Variants in VPS8 observed in about 807,000 individuals in gnomAD.
VPS8 encodes VPS8 subunit of CORVET complex.
VPS8 carries 129 observed loss-of-function variants against 216.4 expected under a neutral mutation model. That is an observed-to-expected ratio of 0.60 (90% CI 0.52 to 0.69). The LOEUF is 0.69. VPS8 is among the 30% of genes least tolerant of loss of function. The pLI is 0.00. For missense variants in VPS8, 1,531 were observed against 1,683.5 expected, an observed-to-expected ratio of 0.91 and a Z score of 1.59; for synonymous variants, 571 against 565.4, an observed-to-expected ratio of 1.01 and a Z score of -0.14.
chr3:184,884,977 G>T (rs1318702376), intron 21 of VPS8, among the ~76,000 whole-genome samples: 2 of 152,158 alleles, frequency 1.3e-5, no homozygotes, highest in Non-Finnish European at 2.9e-5. Flanking sequence ...CTCAGTCAGG[G>T]TTGAGATTTG....
intron 2 of VPS8, 151 bp downstream of exon 2, chr3:184,824,936 C>G: frequency 1.4e-6 from 1 of 697,116 alleles, no homozygotes; most frequent in Non-Finnish European, 2.4e-6. Context: ...TACAGGGTCT[C>G]ACTCTGTTGT....
intron 34 of VPS8, among the ~76,000 whole-genome samples, chr3:184,934,317 A>G (rs1041977262): frequency 6.6e-6 from 1 of 152,008 alleles, no homozygotes; most frequent in African/African-American, 2.4e-5. Context: ...GATTACAGAT[A>G]TGGCCACCAC....
intron 45 of VPS8, among the ~76,000 whole-genome samples, chr3:185,003,077 G>C (rs113432420): frequency 6.6e-6 from 1 of 151,386 alleles, no homozygotes; most frequent in Non-Finnish European, 1.5e-5. Context: ...CAGTGTAAAA[G>C]TGTTGCCTTT....
Position 184,940,184 on chromosome 3 carries a change from T to C in VPS8, c.2989-13T>C. The C allele has an allele frequency of 6.8e-7, 1 of 1,468,786 alleles. No homozygotes were observed. The highest frequency in any genetic ancestry group is 9.1e-7 in the Non-Finnish European group (1 of 1,095,994). The allele number at this position is 1,468,786 out of a possible 1,614,324, so 91.0% of individuals were successfully genotyped here. A position where few individuals can be genotyped will look rare whatever the true frequency, so the allele number is the denominator to read the frequency against. ...TAATATTTAATTGTAATTTTTATTG[T>C]TTTTCTGTTCAGAACCAGGTTTTGC... On this transcript the variant is annotated splice_polypyrimidine_tract_variant and intron_variant, in intron 35 of 47. Transcript: ENST00000625842.
At chr3:184,864,879 A>G (rs1421683028) in intron 16 of VPS8, among the ~76,000 whole-genome samples, 1 of 152,178 alleles carries the variant, frequency 6.6e-6, no homozygotes, top group African/African-American at 2.4e-5. Flanking sequence ...ATAAAAACTA[A>G]ATCACACCTG....
rs547986308 is a variant in VPS8, at chr3:184,859,171, T to C, written c.1144-814T>C. Among the ~76,000 whole-genome samples, 7 of 152,310 alleles carry C rather than the reference T, an allele frequency of 4.6e-5. No homozygotes were observed. The South Asian group carries it at 1.2e-3, about 27-fold the overall frequency. ...AGGGCATGAACAAGATGAATATTTT[T>C]CCTCACTAATTGATGGGTATGGTCT... On this transcript the variant is annotated intron_variant, in intron 14 of 47. Coordinates refer to ENST00000625842, the MANE Select transcript of VPS8 (RefSeq NM_001009921.3).
intron 46 of VPS8, among the ~76,000 whole-genome samples, chr3:185,040,803 G>A (rs1759514357): frequency 6.6e-6 from 1 of 152,124 alleles, no homozygotes; most frequent in Non-Finnish European, 1.5e-5. Context: ...CAAGTGCAAG[G>A]CATTGCTTAT....
chr3:184,821,216 A>G (rs145303417), intron 1 of VPS8, among the ~76,000 whole-genome samples: 1,658 of 152,326 alleles, frequency 0.011, 14 homozygotes, highest in Admixed American at 0.02. Context: ...TTTAAGTGCT[A>G]AAAGAAAGGG....
At chr3:184,843,191 T>C (rs959962890) in intron 7 of VPS8, 49 bp from the exon 8 acceptor site, 1 of 1,387,176 alleles carries the variant, frequency 7.2e-7, no homozygotes, top group Admixed American at 2.7e-5. Flanking sequence ...TTGAACTGAT[T>C]TCTTGCTTTT....
At chr3:185,026,988 C>A (rs1200301230) in intron 46 of VPS8, among the ~76,000 whole-genome samples, 1 of 151,874 alleles carries the variant, frequency 6.6e-6, no homozygotes, top group Non-Finnish European at 1.5e-5. Context: ...GGATTACAGG[C>A]GTGAGCCACC....
intron 25 of VPS8, among the ~76,000 whole-genome samples, chr3:184,902,121 C>CTTTTTTTTTTTTTT (rs1560596472): frequency 6.7e-6 from 1 of 148,566 alleles, no homozygotes; most frequent in Non-Finnish European, 1.5e-5. Context: ...GCCCCCCCCC[C>CTTTTTTTTTTTTTT]CTTTTTTTTT....
rs1417097529 is a variant in VPS8 at position 184,936,290 on chromosome 3, C to T, written c.2943C>T (p.Ala981=). 23 of 1,611,786 alleles carry T rather than the reference C, an allele frequency of 1.4e-5. No homozygotes were observed. The Middle Eastern group carries it at 6.6e-4, about 46-fold the overall frequency. The change falls in exon 35 of 48, where the codon GCC becomes GCT. Residue 981 remains alanine (A), a synonymous_variant. Transcript: ENST00000625842. ...CTTGTAAAGCTGCGGAGCTGGTTGC[C>T]ACCCACTTTTCTGGACATATTGAAA... ...LKPCKAAELV[A]THFSGHIETV... is the part of the protein sequence containing the mutation.
At position 185,014,433 on chromosome 3, in the gene VPS8, A is replaced by G. The variant is rs188087963; in HGVS notation, c.4003-9903A>G. 5.3e-5 allele frequency among the ~76,000 whole-genome samples: 8 copies of G among 152,228 alleles called. No individual in the cohort carries two copies. The East Asian group carries it at 1.5e-3, about 29-fold the overall frequency. On this transcript the variant is annotated intron_variant, in intron 45 of 47. Coordinates refer to ENST00000625842, the MANE Select transcript of VPS8 (RefSeq NM_001009921.3). ...TCATGATAAGGTTTCAGGTGTCTTG[A>G]TGGTATCCAAATCGGCTGTTGATTC...
intron 31 of VPS8, among the ~76,000 whole-genome samples, chr3:184,927,272 A>G (rs1739830708): frequency 6.6e-6 from 1 of 152,186 alleles, no homozygotes; most frequent in Non-Finnish European, 1.5e-5. Flanking sequence ...AGATTTTGTC[A>G]GGTAAGTAAA....
chr3:184,908,097 A>G (rs1048685575), intron 25 of VPS8, among the ~76,000 whole-genome samples: 2 of 152,180 alleles, frequency 1.3e-5, no homozygotes, highest in African/African-American at 4.8e-5. Flanking sequence ...GCCTGCTGTA[A>G]TGTTGAACAA....
chr3:184,838,843 T>A, intron 6 of VPS8, 97 bp downstream of exon 6: 1 of 962,786 alleles, frequency 1.0e-6, no homozygotes, highest in South Asian at 1.8e-5. Context: ...TAAGTTGTTA[T>A]GGTAATAAAT....
Position 184,931,140 on chromosome 3 carries a change from A to G in VPS8, c.2898+572A>G, listed in dbSNP as rs192419746. On this transcript the variant is annotated intron_variant, in intron 34 of 47. Transcript: ENST00000625842. ...TTGCGTGATGAGGGCTGTGATCACA[A>G]TGTGTTCTGAAATGGGACCCAAAAA... is the stretch of plus-strand genomic sequence containing the variant. 2.6e-5 allele frequency among the ~76,000 whole-genome samples: 4 copies of G among 152,324 alleles called. No individual in the cohort carries two copies. The East Asian group carries it at 7.7e-4, about 29-fold the overall frequency.
chr3:184,925,747 A>G (rs1560708822), intron 30 of VPS8, among the ~76,000 whole-genome samples: 3 of 150,792 alleles, frequency 2.0e-5, no homozygotes, highest in Admixed American at 6.6e-5. Context: ...ACACTGCCTT[A>G]TAGTTATGTT....
chr3:184,839,323 T>C, intron 6 of VPS8: 1 of 208,108 alleles, frequency 4.8e-6, no homozygotes, highest in Non-Finnish European at 9.5e-6. Context: ...ACTAGAGAAG[T>C]GTGTTCTCAT....
Sources: allele counts gnomAD v4.1 joint callset (sites outside exome capture counted in the v4.1 genomes callset), GRCh38; gene constraint gnomAD v4.1.1; transcripts MANE v1.5; gene names NCBI Gene and HGNC (gene_info 2026-07-23, HGNC 2026-07-21).